Variants in GRIK2 observed in about 807,000 individuals in gnomAD.
GRIK2 encodes the protein glutamate ionotropic receptor kainate type subunit 2.
Under a neutral mutation model 100.3 loss-of-function variants are expected in GRIK2, and 32 were observed. The observed-to-expected ratio is 0.32, with a 90% CI of 0.24 to 0.43. The LOEUF is 0.43. Ranked by LOEUF, GRIK2 falls within the 20% of genes least tolerant of loss-of-function variation. GRIK2 has a pLI of 1.00. For synonymous variants in GRIK2, 417 were observed against 389.4 expected (o/e 1.07, Z -0.83); for missense variants, 843 against 1,114.9 (o/e 0.76, Z 3.47).
chr6:101,439,772 T>C (rs1769942611), intron 2 of GRIK2, among the ~76,000 whole-genome samples: 1 of 152,132 alleles, frequency 6.6e-6, no homozygotes. Context: ...ATCTTACCTA[T>C]GATGTAATTA....
chr6:101,953,494 T>C (rs1296947852), intron 14 of GRIK2, among the ~76,000 whole-genome samples: 1 of 152,202 alleles, frequency 6.6e-6, no homozygotes, highest in African/African-American at 2.4e-5. Context: ...GGCTTTGATT[T>C]GTACTTCCCT....
chr6:101,743,030 A>T (rs748934670), intron 7 of GRIK2, among the ~76,000 whole-genome samples: 1 of 152,206 alleles, frequency 6.6e-6, no homozygotes, highest in African/African-American at 2.4e-5. Flanking sequence ...CTATACGAGC[A>T]TAGTCAAGCT....
At chr6:101,795,456 G>C (rs993290295) in intron 7 of GRIK2, among the ~76,000 whole-genome samples, 1 of 152,166 alleles carries the variant, frequency 6.6e-6, no homozygotes, top group Non-Finnish European at 1.5e-5. Context: ...TTAGGCTCCT[G>C]TGTGGCATAC....
intron 7 of GRIK2, among the ~76,000 whole-genome samples, chr6:101,773,022 C>G (rs1435672814): frequency 6.6e-6 from 1 of 152,020 alleles, no homozygotes; most frequent in Non-Finnish European, 1.5e-5. Context: ...CTGTAATGCA[C>G]TTACAGACAC....
intron 7 of GRIK2, among the ~76,000 whole-genome samples, chr6:101,735,742 A>G (rs527979721): frequency 1.3e-5 from 2 of 152,180 alleles, no homozygotes; most frequent in African/African-American, 4.8e-5. Flanking sequence ...GAGCCAAACC[A>G]TATCATTCCT....
chr6:101,589,244 A>T (rs1457411484), intron 2 of GRIK2, among the ~76,000 whole-genome samples: 3 of 152,162 alleles, frequency 2.0e-5, no homozygotes, highest in Non-Finnish European at 4.4e-5. Flanking sequence ...GTATGTATAC[A>T]TTGTGGAGTG....
intron 2 of GRIK2, among the ~76,000 whole-genome samples, chr6:101,549,227 A>G (rs914061486): frequency 6.6e-6 from 1 of 150,940 alleles, no homozygotes; most frequent in East Asian, 2.0e-4. Context: ...GATATCACAT[A>G]ATGCCTCATT....
At chr6:101,702,845 T>A (rs1206654910) in intron 7 of GRIK2, among the ~76,000 whole-genome samples, 2 of 151,816 alleles carry the variant, frequency 1.3e-5, no homozygotes, top group Admixed American at 1.3e-4. Flanking sequence ...AATTGCAAAC[T>A]TCTTGAGATG....
intron 2 of GRIK2, among the ~76,000 whole-genome samples, chr6:101,560,917 G>A (rs1006320060): frequency 3.3e-5 from 5 of 152,064 alleles, no homozygotes; most frequent in Admixed American, 2.0e-4. Flanking sequence ...ATAGACTTGG[G>A]AAAATAAATG....
At chr6:102,052,710 G>A (rs532741820) in intron 15 of GRIK2, among the ~76,000 whole-genome samples, 1 of 152,192 alleles carries the variant, frequency 6.6e-6, no homozygotes, top group Admixed American at 6.5e-5. Context: ...ATACTTAAGT[G>A]GATTAAGAAT....
chr6:101,680,510 G>A (rs1771163340), intron 5 of GRIK2, among the ~76,000 whole-genome samples: 1 of 152,084 alleles, frequency 6.6e-6, no homozygotes, highest in Non-Finnish European at 1.5e-5. Flanking sequence ...CCCATAAAAT[G>A]AACATAATAG....
intron 2 of GRIK2, among the ~76,000 whole-genome samples, chr6:101,436,081 C>T (rs1348746607): frequency 6.6e-6 from 1 of 151,916 alleles, no homozygotes; most frequent in African/African-American, 2.4e-5. Flanking sequence ...GTAATCTTGC[C>T]TATAGCATTT....
At chr6:101,874,659 T>G (rs972087340) in intron 11 of GRIK2, among the ~76,000 whole-genome samples, 3 of 152,144 alleles carry the variant, frequency 2.0e-5, no homozygotes, top group Non-Finnish European at 4.4e-5. Flanking sequence ...TTGATGGGGA[T>G]GGCATTGAAT....
At chr6:101,807,434 G>C (rs1781074160) in intron 9 of GRIK2, among the ~76,000 whole-genome samples, 1 of 151,860 alleles carries the variant, frequency 6.6e-6, no homozygotes, top group Non-Finnish European at 1.5e-5. Context: ...TTACAGTATG[G>C]AAATAAACAA....
chr6:101,741,165 G>A (rs1366541650), intron 7 of GRIK2, among the ~76,000 whole-genome samples: 2 of 152,216 alleles, frequency 1.3e-5, no homozygotes, highest in African/African-American at 4.8e-5. Flanking sequence ...AACCTTGACT[G>A]TATAATTTGG....
intron 14 of GRIK2, among the ~76,000 whole-genome samples, chr6:102,008,757 A>G (rs1795371548): frequency 6.6e-6 from 1 of 152,132 alleles, no homozygotes; most frequent in African/African-American, 2.4e-5. Context: ...AGTGACTCTC[A>G]CTGAAAGTGA....
rs1372057079 is a variant in GRIK2, at chr6:101,928,349, C to G, written c.1868-66C>G. 4 of 851,560 alleles carry G rather than the reference C, an allele frequency of 4.7e-6. No individual in the cohort carries two copies. The Admixed American group carries it at 5.2e-5, about 11-fold the overall frequency. 52.8% of individuals were successfully genotyped at this position (851,560 alleles called of 1,614,324 possible). On this transcript the variant is annotated intron_variant, in intron 13 of 16. Transcript: ENST00000369134. ...CAGTGATTCCATTCTGCCACTGTGACAAAAAGTATCTGATTGCTGATCAAA... is the reference window on the plus strand; with the variant it reads ...CAGTGATTCCATTCTGCCACTGTGAGAAAAAGTATCTGATTGCTGATCAAA...
At chr6:101,412,602 G>C (rs1775934362) in intron 2 of GRIK2, among the ~76,000 whole-genome samples, 1 of 151,912 alleles carries the variant, frequency 6.6e-6, no homozygotes, top group African/African-American at 2.4e-5. Context: ...GCTATGTTTA[G>C]CAATATGTGT....
At chr6:101,756,110 T>C (rs1241402489) in intron 7 of GRIK2, among the ~76,000 whole-genome samples, 2 of 152,176 alleles carry the variant, frequency 1.3e-5, no homozygotes, top group African/African-American at 4.8e-5. Context: ...CATGATGCCA[T>C]TCCTTGTTAG....
Sources: gnomAD v4.1 joint callset for allele counts (sites outside exome capture counted in the v4.1 genomes callset) on GRCh38, gnomAD v4.1.1 for gene constraint, MANE v1.5 for transcripts, NCBI Gene and HGNC (gene_info 2026-07-23, HGNC 2026-07-21) for gene names.